The following PLVAP variants were observed in gnomAD, a reference collection of about 807,000 sequenced individuals.
The protein encoded by PLVAP is plasmalemma vesicle associated protein.
A neutral mutation model predicts 43.1 loss-of-function variants in PLVAP; 34 were observed. The observed-to-expected ratio is 0.79, with a 90% CI of 0.60 to 1.05. The LOEUF is 1.05. Among genes scored for constraint, PLVAP ranks in the 50% least tolerant of loss-of-function variants. PLVAP has a pLI of 0.00. For missense variants in PLVAP, 574 were observed against 593.4 expected (o/e 0.97, Z 0.34); for synonymous variants, 241 against 237.3 (o/e 1.02, Z -0.14).
chr19:17,373,165 G>A (rs530685796), intron 1 of PLVAP, among the ~76,000 whole-genome samples: 17 of 150,168 alleles, frequency 1.1e-4, no homozygotes, highest in African/African-American at 4.1e-4. Flanking sequence ...AGGATCTAAG[G>A]GGCAGGCAGG....
intron 5 of PLVAP, among the ~76,000 whole-genome samples, chr19:17,356,940 C>A (rs1036072757): frequency 3.3e-5 from 5 of 151,086 alleles, no homozygotes; most frequent in African/African-American, 7.3e-5. Flanking sequence ...GCCTGGGCAA[C>A]GAGAGAGAAA....
intron 3 of PLVAP, among the ~76,000 whole-genome samples, chr19:17,361,287 T>C (rs889554018): frequency 6.6e-6 from 1 of 152,116 alleles, no homozygotes; most frequent in Non-Finnish European, 1.5e-5. Flanking sequence ...ACAGACCCCA[T>C]GTAGAAAGAC....
intron 1 of PLVAP, among the ~76,000 whole-genome samples, chr19:17,371,807 G>C (rs1054422516): frequency 6.6e-6 from 1 of 152,166 alleles, no homozygotes; most frequent in African/African-American, 2.4e-5. Context: ...TAAAGAAAGT[G>C]TTCACAATTT....
chr19:17,372,618 G>A (rs994119086), intron 1 of PLVAP, among the ~76,000 whole-genome samples: 10 of 149,196 alleles, frequency 6.7e-5, no homozygotes, highest in Non-Finnish European at 1.2e-4. Flanking sequence ...CACCACACCT[G>A]GCTAATTTTT....
rs898973462 is a variant in PLVAP, at chr19:17,351,795, G to A, written c.*567C>T. ...GGGTCGGGGGAACGTGACACTAGGT[G>A]AGAATTGGGTAGAAAGTGTGTGTGA... On this transcript the variant is annotated 3_prime_UTR_variant, in exon 6 of 6. Transcript: ENST00000252590. 2 of 153,434 alleles carry A rather than the reference G, an allele frequency of 1.3e-5. No individual in the cohort carries two copies. Among genetic ancestry groups the A allele is most frequent in the Non-Finnish European group, 2.9e-5 (2 of 68,750 alleles). 9.5% of individuals were successfully genotyped at this position (153,434 alleles called of 1,614,324 possible). A position where few individuals can be genotyped will look rare whatever the true frequency, so the allele number is the denominator to read the frequency against.
rs1324624609 is a variant in PLVAP at position 17,352,111 on chromosome 19, G to T, written c.*251C>A. The T allele has an allele frequency of 3.6e-6, 2 of 554,754 alleles. No individual in the cohort carries two copies. The highest frequency in any genetic ancestry group is 3.3e-6 in the Non-Finnish European group (1 of 306,480). 34.4% of individuals were successfully genotyped at this position (554,754 alleles called of 1,614,324 possible). A position where few individuals can be genotyped will look rare whatever the true frequency, so the allele number is the denominator to read the frequency against. The stretch of plus-strand genomic sequence containing the variant: ...GGCCACGTGACGCCATCACCACGGT[G>T]ATATGTGACGTCAGCGCCGTTGCTT... On this transcript the variant is annotated 3_prime_UTR_variant, in exon 6 of 6. Coordinates refer to ENST00000252590, the MANE Select transcript of PLVAP (RefSeq NM_031310.3).
chr19:17,361,811 C>T (rs958743818), intron 3 of PLVAP, among the ~76,000 whole-genome samples: 8 of 151,940 alleles, frequency 5.3e-5, no homozygotes, highest in African/African-American at 1.2e-4. Context: ...GGCTCACGCC[C>T]GTAATCCCAA....
chr19:17,365,992 A>G lies in PLVAP; in HGVS notation c.473T>C (p.Leu158Pro). 6.2e-7 allele frequency: 1 copy of G among 1,612,864 alleles called. No homozygotes were observed. Among genetic ancestry groups the G allele is most frequent in the East Asian group, 2.2e-5 (1 of 44,840 alleles). The change falls in exon 3 of 6, where the codon CTC becomes CCC. Residue 158 changes from leucine (L) to proline (P), a missense_variant. Coordinates refer to ENST00000252590, the MANE Select transcript of PLVAP (RefSeq NM_031310.3). ...CTTCACCTTCTGATTCAGCATGAAG[A>G]GCAAGGCTAAGGAAAACAGGACCAG... ...KDMNKSCDAL[L>P]FMLNQKVKTL...
rs113828333 is a variant in PLVAP at position 17,361,923 on chromosome 19, T to TAAA, written c.1180-1094_1180-1092dup. 2.8e-5 allele frequency among the ~76,000 whole-genome samples: 4 copies of TAAA among 143,148 alleles called. No individual in the cohort carries two copies. In the Admixed American group the frequency reaches 2.8e-4, roughly 10 times the overall value. 93.9% of individuals were successfully genotyped at this position (143,148 alleles called of 152,430 possible). On this transcript the variant is annotated intron_variant, in intron 3 of 5. Coordinates refer to ENST00000252590, the MANE Select transcript of PLVAP (RefSeq NM_031310.3). ...CATCTCTACTAAAAATAAAAAAAAA[T>TAAA]AAAAAAAAAAAAATCAGCCGGGCCT... is the stretch of plus-strand genomic sequence containing the variant.
rs566823028 is a variant in PLVAP, at chr19:17,372,558, G to T, written c.369+4362C>A. On this transcript the variant is annotated intron_variant, in intron 1 of 5. Transcript: ENST00000252590. Reference sequence around the variant, plus strand: ...TGCAAGCTCCGCCTCCCGGGTTCATGCCATTCTCCTGCCTCAGCCTCCCGA... The same window carrying T: ...TGCAAGCTCCGCCTCCCGGGTTCATTCCATTCTCCTGCCTCAGCCTCCCGA... Among the ~76,000 whole-genome samples the T allele has an allele frequency of 3.3e-5, 5 of 149,488 alleles. No homozygotes were observed. The South Asian group carries it at 1.1e-3, about 32-fold the overall frequency.
Position 17,366,210 on chromosome 19 carries a change from G to C in PLVAP, c.370-15C>G. On this transcript the variant is annotated splice_polypyrimidine_tract_variant and intron_variant, in intron 1 of 5. Transcript: ENST00000252590. ...GTGTAGATGACCTGCCCGGAAGATA[G>C]GGGAAGGACGCAGGACAGAGCTTAG... 1 of 1,612,872 alleles carries C rather than the reference G, an allele frequency of 6.2e-7. No homozygotes were observed.
chr19:17,372,812 C>A (rs2074578397), intron 1 of PLVAP, among the ~76,000 whole-genome samples: 1 of 150,332 alleles, frequency 6.7e-6, no homozygotes, highest in Non-Finnish European at 1.5e-5. Context: ...CACCTGTAAT[C>A]CCAGCACTGG....
Position 17,365,805 on chromosome 19 carries a change from C to A in PLVAP, c.660G>T (p.Lys220Asn), listed in dbSNP as rs1341528824. The A allele has an allele frequency of 6.2e-7, 1 of 1,614,192 alleles. No individual in the cohort carries two copies. Among genetic ancestry groups the A allele is most frequent in the Non-Finnish European group, 8.5e-7 (1 of 1,180,048 alleles). Reference protein sequence around the residue: ...ERQLAKEQLQKVQALCLPLDK... With the variant: ...ERQLAKEQLQNVQALCLPLDK... ...CCAGGGGCAGGCAGAGGGCTTGCACCTTTTGCAGTTGCTCCTTGGCCAGCT... is the reference window on the plus strand; with the variant it reads ...CCAGGGGCAGGCAGAGGGCTTGCACATTTTGCAGTTGCTCCTTGGCCAGCT... Residue 220 changes from lysine to asparagine, a missense_variant, in exon 3 of 6, where the codon AAG becomes AAT. Physicochemically the swap from Lys to Asn is moderately conservative, Grantham distance 94 (BLOSUM62 0). Transcript: ENST00000252590.
intron 1 of PLVAP, among the ~76,000 whole-genome samples, chr19:17,373,637 C>T (rs2074583346): frequency 6.6e-6 from 1 of 152,060 alleles, no homozygotes; most frequent in Non-Finnish European, 1.5e-5. Flanking sequence ...CACCTGCTCC[C>T]CACAATGTCT....
intron 5 of PLVAP, among the ~76,000 whole-genome samples, chr19:17,352,692 T>A (rs1307701854): frequency 6.6e-6 from 1 of 152,116 alleles, no homozygotes; most frequent in Non-Finnish European, 1.5e-5. Context: ...CTACAGCTTG[T>A]TTGACTCTCC....
chr19:17,372,399 ACT>A (rs1368685120), intron 1 of PLVAP, among the ~76,000 whole-genome samples: 2 of 149,794 alleles, frequency 1.3e-5, no homozygotes, highest in African/African-American at 2.4e-5. Context: ...ACAGAGTGAA[ACT>A]CTGTGTCAAA....
At chr19:17,367,980 C>T (rs2074556811) in intron 1 of PLVAP, among the ~76,000 whole-genome samples, 1 of 151,986 alleles carries the variant, frequency 6.6e-6, no homozygotes, top group African/African-American at 2.4e-5. Flanking sequence ...TCACTGCAAC[C>T]TCTGCCTCCC....
At chr19:17,368,651 A>C (rs1342177100) in intron 1 of PLVAP, among the ~76,000 whole-genome samples, 4 of 152,132 alleles carry the variant, frequency 2.6e-5, no homozygotes, top group Admixed American at 2.6e-4. Context: ...GAGCAGACAC[A>C]GGAAGAAGAT....
chr19:17,358,265 A>T, intron 5 of PLVAP, among the ~76,000 whole-genome samples: 1 of 126,466 alleles, frequency 7.9e-6, no homozygotes, highest in African/African-American at 4.0e-5. Context: ...GTATGCAAGA[A>T]GGAAAAAAAA....
Sources: allele counts gnomAD v4.1 joint callset (sites outside exome capture counted in the v4.1 genomes callset), GRCh38; gene constraint gnomAD v4.1.1; transcripts MANE v1.5; gene names NCBI Gene and HGNC (gene_info 2026-07-23, HGNC 2026-07-21).